MAGI2: variants seen among roughly 807,000 people sequenced by gnomAD.
MAGI2 encodes membrane-associated guanylate kinase, WW and PDZ domain-containing protein 2.
A neutral mutation model predicts 133.3 loss-of-function variants in MAGI2; 35 were observed. The observed-to-expected ratio is 0.26, with a 90% confidence interval of 0.20 to 0.35. The LOEUF is 0.35. MAGI2 is among the 10% of genes least tolerant of loss of function. The probability of loss-of-function intolerance (pLI) is 1.00; values close to 1 mark genes in which losing one functional copy is unlikely to be tolerated. For missense variants in MAGI2, 1,636 were observed against 1,863.4 expected (o/e 0.88, Z 2.25); for synonymous variants, 729 against 710.6 (o/e 1.03, Z -0.41).
chr7:79,346,184 T>G (rs201133174), intron 1 of MAGI2, among the ~76,000 whole-genome samples: 1 of 152,014 alleles, frequency 6.6e-6, no homozygotes, highest in East Asian at 1.9e-4. Flanking sequence ...CCATCATTAT[T>G]GTTTTCATTT....
intron 6 of MAGI2, among the ~76,000 whole-genome samples, chr7:78,467,811 A>G (rs1347704728): frequency 6.6e-6 from 1 of 152,174 alleles, no homozygotes; most frequent in African/African-American, 2.4e-5. Flanking sequence ...CAAAGAAAGT[A>G]TGTGAAAATC....
intron 1 of MAGI2, among the ~76,000 whole-genome samples, chr7:79,112,798 CTG>C (rs1819039116): frequency 6.6e-6 from 1 of 152,096 alleles, no homozygotes; most frequent in Non-Finnish European, 1.5e-5. Context: ...CATGATGAAA[CTG>C]TGCAAAGTAG....
intron 21 of MAGI2, among the ~76,000 whole-genome samples, chr7:78,033,951 C>T (rs1433521171): frequency 2.6e-5 from 4 of 152,112 alleles, no homozygotes; most frequent in African/African-American, 7.2e-5. Flanking sequence ...ATGCTCAATC[C>T]CTCCGTCTTA....
intron 2 of MAGI2, among the ~76,000 whole-genome samples, chr7:78,988,839 T>C (rs1805502435): frequency 6.6e-6 from 1 of 151,824 alleles, no homozygotes; most frequent in Non-Finnish European, 1.5e-5. Context: ...AAAACCAAGA[T>C]ATGGGGAAGG....
At chr7:78,778,037 C>T (rs1307184587) in intron 2 of MAGI2, among the ~76,000 whole-genome samples, 2 of 152,194 alleles carry the variant, frequency 1.3e-5, no homozygotes, top group African/African-American at 2.4e-5. Context: ...TTGAGCTGCT[C>T]TTTATGGATT....
chr7:78,040,877 T>C (rs1810761109), intron 21 of MAGI2, among the ~76,000 whole-genome samples: 1 of 152,176 alleles, frequency 6.6e-6, no homozygotes, highest in Non-Finnish European at 1.5e-5. Context: ...GGCCTTTCGG[T>C]AAGTCATCCT....
At chr7:78,854,858 C>CTTT (rs143691490) in intron 2 of MAGI2, among the ~76,000 whole-genome samples, 1 of 149,984 alleles carries the variant, frequency 6.7e-6, no homozygotes, top group Non-Finnish European at 1.5e-5. Context: ...ATGCATTACT[C>CTTT]TTTTATTTTT....
At chr7:78,038,026 C>T (rs964997803) in intron 21 of MAGI2, among the ~76,000 whole-genome samples, 8 of 152,144 alleles carry the variant, frequency 5.3e-5, no homozygotes, top group African/African-American at 1.9e-4. Context: ...GCCTCTCTTC[C>T]CACCTTGTCC....
chr7:79,344,668 A>T (rs1036460177), intron 1 of MAGI2, among the ~76,000 whole-genome samples: 1 of 152,206 alleles, frequency 6.6e-6, no homozygotes, highest in Admixed American at 6.6e-5. Flanking sequence ...AGTTGACAGT[A>T]TTAAATGGCA....
At chr7:79,039,801 A>G (rs921682111) in intron 1 of MAGI2, among the ~76,000 whole-genome samples, 1 of 148,288 alleles carries the variant, frequency 6.7e-6, no homozygotes, top group African/African-American at 2.5e-5. Context: ...ATATACACAT[A>G]TGTATACACA....
intron 1 of MAGI2, among the ~76,000 whole-genome samples, chr7:79,254,894 T>C (rs1714067507): frequency 6.6e-6 from 1 of 152,190 alleles, no homozygotes; most frequent in Non-Finnish European, 1.5e-5. Context: ...GCCAGGAATG[T>C]TCCAAGACTC....
chr7:78,553,043 A>C (rs1799489363), intron 3 of MAGI2, among the ~76,000 whole-genome samples: 1 of 151,788 alleles, frequency 6.6e-6, no homozygotes, highest in Non-Finnish European at 1.5e-5. Flanking sequence ...TAAAAACTGT[A>C]AGAGGCAGAG....
chr7:78,141,240 A>C (rs73706527), intron 16 of MAGI2, among the ~76,000 whole-genome samples: 1,531 of 152,272 alleles, frequency 0.01, 36 homozygotes, highest in African/African-American at 0.035. Context: ...GACTGAGCAC[A>C]GAGGAATGAT....
Position 79,182,141 on chromosome 7 carries a change from T to C in MAGI2, c.302-174935A>G, listed in dbSNP as rs1036216453. Among the ~76,000 whole-genome samples, 3 of 152,012 alleles carry C rather than the reference T, an allele frequency of 2.0e-5. 1 individual carries two copies. The highest frequency in any genetic ancestry group is 7.3e-5 in the African/African-American group (3 of 41,316). ...TTACCCAGTTTCAAAGTTGCTTCCA[T>C]GTTTTTGGGTTTCTTTTCAGCAGTA... is the stretch of plus-strand genomic sequence containing the variant. On this transcript the variant is annotated intron_variant, in intron 1 of 21. Transcript: ENST00000354212.
chr7:78,529,794 G>A (rs919846452), intron 3 of MAGI2, among the ~76,000 whole-genome samples: 13 of 144,604 alleles, frequency 9.0e-5, no homozygotes, highest in African/African-American at 3.1e-4. Flanking sequence ...TGAGATTACA[G>A]GCATGAACCA....
chr7:78,944,100 A>G (rs1431746347), intron 2 of MAGI2, among the ~76,000 whole-genome samples: 1 of 152,182 alleles, frequency 6.6e-6, no homozygotes, highest in Admixed American at 6.6e-5. Flanking sequence ...AATAAACAGC[A>G]TTAGCCTATA....
chr7:78,281,624 AATACAC>A (rs1336427559), intron 9 of MAGI2, among the ~76,000 whole-genome samples: 2 of 152,182 alleles, frequency 1.3e-5, no homozygotes, highest in Admixed American at 6.6e-5. Flanking sequence ...AAAATGGACT[AATACAC>A]ATACATACTC....
chr7:79,297,776 A>G, intron 1 of MAGI2, among the ~76,000 whole-genome samples: 1 of 152,206 alleles, frequency 6.6e-6, no homozygotes, highest in East Asian at 1.9e-4. Context: ...TTGAGCAGCA[A>G]TATTTATTGC....
At chr7:79,352,358 C>T (rs1318083795) in intron 1 of MAGI2, among the ~76,000 whole-genome samples, 5 of 152,174 alleles carry the variant, frequency 3.3e-5, no homozygotes, top group African/African-American at 4.8e-5. Flanking sequence ...ACTTTGAAAA[C>T]ATTCTCTCTA....
Sources: gnomAD v4.1 joint callset for allele counts (sites outside exome capture counted in the v4.1 genomes callset) on GRCh38, gnomAD v4.1.1 for gene constraint, MANE v1.5 for transcripts, NCBI Gene and HGNC (gene_info 2026-07-23, HGNC 2026-07-21) for gene names.